Variants in PCDH7 observed in about 807,000 individuals in gnomAD.
The protein encoded by PCDH7 is protocadherin-7.
In PCDH7, 17 loss-of-function variants were observed where a neutral mutation model predicts 58.9. That is an observed-to-expected ratio of 0.29 (90% CI 0.20 to 0.43). The LOEUF is 0.43. PCDH7 is among the 20% of genes least tolerant of loss of function. The probability of loss-of-function intolerance (pLI) is 1.00; values close to 1 mark genes in which losing one functional copy is unlikely to be tolerated. For synonymous variants in PCDH7, 664 were observed against 616.4 expected (o/e 1.08, Z -1.14); for missense variants, 1,274 against 1,441.0 (o/e 0.88, Z 1.88).
intron 3 of PCDH7, among the ~76,000 whole-genome samples, chr4:30,990,259 ATCTG>A (rs886863308): frequency 1.4e-4 from 22 of 152,178 alleles, no homozygotes; most frequent in African/African-American, 4.8e-4. Context: ...ATGTGCATAT[ATCTG>A]TCTATGTATC....
At chr4:30,917,903 A>C (rs1017558358) in intron 1 of PCDH7, among the ~76,000 whole-genome samples, 1 of 151,816 alleles carries the variant, frequency 6.6e-6, no homozygotes, top group African/African-American at 2.4e-5. Flanking sequence ...CCCAAATGTC[A>C]CTCTTTTTTT....
intron 1 of PCDH7, among the ~76,000 whole-genome samples, chr4:30,909,631 A>G (rs559433360): frequency 6.6e-6 from 1 of 152,302 alleles, no homozygotes; most frequent in Non-Finnish European, 1.5e-5. Context: ...GATGTGAAGG[A>G]CCTCTTCAAG....
At chr4:30,981,787 C>T (rs759013038) in intron 3 of PCDH7, among the ~76,000 whole-genome samples, 14 of 152,080 alleles carry the variant, frequency 9.2e-5, no homozygotes, top group Non-Finnish European at 1.8e-4. Context: ...TGTTGTATAT[C>T]ACTGATTTTT....
intron 1 of PCDH7, among the ~76,000 whole-genome samples, chr4:30,767,771 A>G (rs1398437405): frequency 3.3e-5 from 5 of 152,332 alleles, no homozygotes; most frequent in African/African-American, 7.2e-5. Context: ...CTACCTTGCA[A>G]TTTAGAACAC....
At chr4:31,130,846 T>G (rs569688293) in intron 3 of PCDH7, among the ~76,000 whole-genome samples, 1 of 152,284 alleles carries the variant, frequency 6.6e-6, no homozygotes, top group East Asian at 1.9e-4. Flanking sequence ...AGCCCTGTGA[T>G]TAAAAAATGG....
chr4:31,001,475 A>T (rs1752358535), intron 3 of PCDH7, among the ~76,000 whole-genome samples: 1 of 152,164 alleles, frequency 6.6e-6, no homozygotes, highest in African/African-American at 2.4e-5. Context: ...CAGAGTGAAA[A>T]TTTTTTTAAA....
At chr4:31,024,313 C>T (rs1421163109) in intron 3 of PCDH7, among the ~76,000 whole-genome samples, 1 of 151,902 alleles carries the variant, frequency 6.6e-6, no homozygotes, top group African/African-American at 2.4e-5. Context: ...GTTTTTATTC[C>T]TGTTAAAAAC....
chr4:31,035,104 G>T (rs754640954), intron 3 of PCDH7, among the ~76,000 whole-genome samples: 1 of 152,256 alleles, frequency 6.6e-6, no homozygotes, highest in East Asian at 1.9e-4. Flanking sequence ...TGATCGATGA[G>T]GTTCTTTAGG....
At chr4:30,793,611 C>T (rs1463752692) in intron 1 of PCDH7, among the ~76,000 whole-genome samples, 2 of 151,784 alleles carry the variant, frequency 1.3e-5, no homozygotes, top group Admixed American at 6.6e-5. Flanking sequence ...AAATATAATT[C>T]TTGACTTTAA....
intron 1 of PCDH7, among the ~76,000 whole-genome samples, chr4:30,904,822 G>A (rs571005722): frequency 6.6e-5 from 10 of 152,260 alleles, no homozygotes; most frequent in African/African-American, 2.4e-4. Context: ...AAAGGTTTGG[G>A]TGCCAAAGTC....
intron 1 of PCDH7, among the ~76,000 whole-genome samples, chr4:30,908,264 G>C (rs1179757300): frequency 6.8e-6 from 1 of 147,882 alleles, no homozygotes; most frequent in Non-Finnish European, 1.5e-5. Flanking sequence ...AAGAAGAAAA[G>C]AAAAGAGAAA....
intron 1 of PCDH7, among the ~76,000 whole-genome samples, chr4:30,834,244 A>G (rs896004109): frequency 6.6e-6 from 1 of 152,260 alleles, no homozygotes; most frequent in Non-Finnish European, 1.5e-5. Flanking sequence ...CACTTGGTTT[A>G]ATGGTTTGCT....
intron 1 of PCDH7, among the ~76,000 whole-genome samples, chr4:30,916,096 C>G (rs1050707146): frequency 6.6e-6 from 1 of 152,034 alleles, no homozygotes; most frequent in Admixed American, 6.6e-5. Flanking sequence ...GGAGCACCCT[C>G]GAAACCCTGG....
intron 3 of PCDH7, among the ~76,000 whole-genome samples, chr4:31,064,991 A>C (rs1757968205): frequency 6.6e-6 from 1 of 151,984 alleles, no homozygotes; most frequent in African/African-American, 2.4e-5. Context: ...AAAGTTCTCA[A>C]GTTTACTTGC....
At chr4:31,078,871 A>T (rs1759235319) in intron 3 of PCDH7, among the ~76,000 whole-genome samples, 1 of 151,970 alleles carries the variant, frequency 6.6e-6, no homozygotes, top group Non-Finnish European at 1.5e-5. Flanking sequence ...AATGTTAGAC[A>T]AAACAAACAA....
intron 3 of PCDH7, among the ~76,000 whole-genome samples, chr4:31,066,242 G>A (rs10005651): frequency 0.67 from 100,913 of 151,742 alleles, 35,603 homozygotes; most frequent in African/African-American, 0.91. Context: ...CATATATTAT[G>A]AGGAAAGGAG....
At chr4:30,873,750 C>T (rs1735917423) in intron 1 of PCDH7, among the ~76,000 whole-genome samples, 1 of 151,896 alleles carries the variant, frequency 6.6e-6, no homozygotes, top group African/African-American at 2.4e-5. Flanking sequence ...ATGCAAATAC[C>T]ACCTGACACT....
At chr4:30,872,664 A>G (rs1735772664) in intron 1 of PCDH7, among the ~76,000 whole-genome samples, 1 of 152,070 alleles carries the variant, frequency 6.6e-6, no homozygotes, top group Non-Finnish European at 1.5e-5. Flanking sequence ...GACAATTCCT[A>G]TAAATCATCC....
rs569784197 is a variant in PCDH7 at position 30,915,130 on chromosome 4, A to G, written c.71-5023A>G. On this transcript the variant is annotated intron_variant, in intron 1 of 3. Transcript: ENST00000509759. The stretch of plus-strand genomic sequence containing the variant: ...TTACATCTCCAAATGTTTATTTTAA[A>G]GCAAAACTTCTTCAGTGCCAATGAA... 2.6e-4 allele frequency among the ~76,000 whole-genome samples: 39 copies of G among 152,268 alleles called. No homozygotes were observed. In the South Asian group the frequency reaches 8.1e-3, roughly 32 times the overall value.
Sources: gnomAD v4.1 joint callset for allele counts (sites outside exome capture counted in the v4.1 genomes callset) on GRCh38, gnomAD v4.1.1 for gene constraint, MANE v1.5 for transcripts, NCBI Gene and HGNC (gene_info 2026-07-23, HGNC 2026-07-21) for gene names.